Variants in SCHIP1 observed in about 807,000 individuals in gnomAD.
The protein encoded by SCHIP1 is schwannomin-interacting protein 1.
Under a neutral mutation model 29.7 loss-of-function variants are expected in SCHIP1, and 8 were observed. That is an observed-to-expected ratio of 0.27 (90% CI 0.16 to 0.49). SCHIP1 has a LOEUF of 0.49. Among genes scored for constraint, SCHIP1 ranks in the 20% least tolerant of loss-of-function variants. The pLI, the probability that SCHIP1 is intolerant of heterozygous loss-of-function variation, is 0.99. For missense variants in SCHIP1, 193 were observed against 294.6 expected (o/e 0.66, Z 2.52); for synonymous variants, 76 against 94.9 (o/e 0.80, Z 1.16).
the SCHIP1 span, among the ~76,000 whole-genome samples, chr3:159,640,851 G>T: frequency 6.6e-6 from 1 of 152,100 alleles, no homozygotes; most frequent in African/African-American, 2.4e-5. Context: ...AGTTCCCTGT[G>T]AGCAAAAATG....
At chr3:159,826,152 G>A in the SCHIP1 span, among the ~76,000 whole-genome samples, 1 of 152,194 alleles carries the variant, frequency 6.6e-6, no homozygotes, top group Non-Finnish European at 1.5e-5. Context: ...GTTTTTAGAA[G>A]TATTTTTAAT....
the SCHIP1 span, among the ~76,000 whole-genome samples, chr3:159,574,611 A>T: frequency 6.6e-6 from 1 of 152,210 alleles, no homozygotes; most frequent in African/African-American, 2.4e-5. Context: ...TCAGAGCTCA[A>T]ATGCTGTGCT....
chr3:159,786,534 CTA>C, the SCHIP1 span, among the ~76,000 whole-genome samples: 2 of 152,164 alleles, frequency 1.3e-5, no homozygotes, highest in Non-Finnish European at 2.9e-5. Context: ...ATATCAATGA[CTA>C]TTCTTCCTTG....
chr3:159,801,637 T>A, the SCHIP1 span, among the ~76,000 whole-genome samples: 4 of 152,234 alleles, frequency 2.6e-5, no homozygotes, highest in East Asian at 1.9e-4. Flanking sequence ...GGAAAAAAAA[T>A]TAACCTCCTG....
At chr3:159,539,709 A>G in the SCHIP1 span, among the ~76,000 whole-genome samples, 4 of 135,974 alleles carry the variant, frequency 2.9e-5, 2 homozygotes, top group African/African-American at 1.0e-4. Flanking sequence ...GACGGTATCT[A>G]CTGTATCTAC....
the SCHIP1 span, among the ~76,000 whole-genome samples, chr3:159,704,900 C>CTTTA: frequency 5.3e-3 from 330 of 62,504 alleles, 1 homozygote; most frequent in Middle Eastern, 9.8e-3. Flanking sequence ...TTCTTTCTTT[C>CTTTA]TTTCTTTATT....
chr3:159,622,182 A>C, the SCHIP1 span, among the ~76,000 whole-genome samples: 1 of 152,202 alleles, frequency 6.6e-6, no homozygotes, highest in Non-Finnish European at 1.5e-5. Flanking sequence ...GCAAGCTGAC[A>C]TCATGTTTCC....
the SCHIP1 span, among the ~76,000 whole-genome samples, chr3:159,459,554 T>C: frequency 8.7e-6 from 1 of 114,444 alleles, no homozygotes; most frequent in African/African-American, 5.4e-5. Flanking sequence ...TGAAAAATGC[T>C]ATATAACAAA....
chr3:159,299,967 C>T, the SCHIP1 span, among the ~76,000 whole-genome samples: 1 of 152,156 alleles, frequency 6.6e-6, no homozygotes, highest in East Asian at 1.9e-4. Flanking sequence ...CAGAGTAAAG[C>T]AAGACCTTGG....
the SCHIP1 span, among the ~76,000 whole-genome samples, chr3:159,298,961 T>C: frequency 1.3e-5 from 2 of 152,290 alleles, no homozygotes; most frequent in African/African-American, 4.8e-5. Context: ...CTGTAAAGCC[T>C]CTCCTCTCTG....
intron 2 of SCHIP1, among the ~76,000 whole-genome samples, chr3:159,875,038 A>C (rs968624582): frequency 2.6e-5 from 4 of 151,360 alleles, no homozygotes; most frequent in African/African-American, 9.7e-5. Flanking sequence ...AAAAACAAAA[A>C]CTATCATTTT....
the SCHIP1 span, among the ~76,000 whole-genome samples, chr3:159,336,116 G>C: frequency 6.6e-6 from 1 of 152,134 alleles, no homozygotes; most frequent in Non-Finnish European, 1.5e-5. Flanking sequence ...ATTTTTTCAT[G>C]TGTCTTTTGG....
chr3:159,880,510 G>A (rs562004167), intron 2 of SCHIP1, among the ~76,000 whole-genome samples: 13 of 152,274 alleles, frequency 8.5e-5, no homozygotes, highest in Admixed American at 4.6e-4. Flanking sequence ...AGAAGACCTA[G>A]TTTTTATTTG....
At chr3:159,412,965 T>C in the SCHIP1 span, among the ~76,000 whole-genome samples, 1 of 152,186 alleles carries the variant, frequency 6.6e-6, no homozygotes, top group Non-Finnish European at 1.5e-5. Context: ...AAAGGTTTAA[T>C]TGGCTCACAG....
chr3:159,432,196 C>T, the SCHIP1 span, among the ~76,000 whole-genome samples: 13 of 151,512 alleles, frequency 8.6e-5, no homozygotes, highest in Non-Finnish European at 1.6e-4. Flanking sequence ...TGGTTGTTGG[C>T]GGGAGGCCTT....
At chr3:159,290,256 G>C in the SCHIP1 span, among the ~76,000 whole-genome samples, 3 of 152,126 alleles carry the variant, frequency 2.0e-5, no homozygotes, top group Non-Finnish European at 2.9e-5. Flanking sequence ...ACAAAATAAA[G>C]AGTCAGAAAG....
the SCHIP1 span, among the ~76,000 whole-genome samples, chr3:159,517,309 C>A: frequency 6.6e-6 from 1 of 152,116 alleles, no homozygotes; most frequent in African/African-American, 2.4e-5. Flanking sequence ...GCTGAGTTGG[C>A]AGTTTTTTCT....
At chr3:159,846,714 AT>A (rs968271984) in intron 1 of SCHIP1, among the ~76,000 whole-genome samples, 12 of 151,992 alleles carry the variant, frequency 7.9e-5, no homozygotes, top group South Asian at 2.1e-4. Context: ...TTGATGGGGA[AT>A]TTTTTTTCTA....
the SCHIP1 span, among the ~76,000 whole-genome samples, chr3:159,406,753 G>A: frequency 6.6e-6 from 1 of 152,158 alleles, no homozygotes; most frequent in East Asian, 1.9e-4. Flanking sequence ...GGGGGACAAA[G>A]TTAAAGTGTA....
Sources: allele counts gnomAD v4.1 joint callset (sites outside exome capture counted in the v4.1 genomes callset), GRCh38; gene constraint gnomAD v4.1.1; transcripts MANE v1.5; gene names NCBI Gene and HGNC (gene_info 2026-07-23, HGNC 2026-07-21).